SLIT1: variants seen among roughly 807,000 people sequenced by gnomAD.
SLIT1 encodes slit homolog 1 protein.
SLIT1 carries 66 observed loss-of-function variants against 186.1 expected under a neutral mutation model. The observed-to-expected ratio is 0.35, with a 90% CI of 0.29 to 0.44. The LOEUF (loss-of-function observed/expected upper bound fraction) is 0.44. Among genes scored for constraint, SLIT1 ranks in the 20% least tolerant of loss-of-function variants. The pLI is 1.00. For missense variants in SLIT1, 1,638 were observed against 2,037.4 expected (o/e 0.80, Z 3.77); for synonymous variants, 761 against 833.8 (o/e 0.91, Z 1.50).
At chr10:97,106,407 C>CGAACGAACGAAT (rs1554851567) in intron 4 of SLIT1, among the ~76,000 whole-genome samples, 4 of 74,064 alleles carry the variant, frequency 5.4e-5, no homozygotes, top group Admixed American at 1.4e-4. Flanking sequence ...AATGAATGAA[C>CGAACGAACGAAT]GAATGAATGA....
chr10:97,178,422 C>T (rs905888439), intron 1 of SLIT1, among the ~76,000 whole-genome samples: 2 of 152,162 alleles, frequency 1.3e-5, no homozygotes, highest in African/African-American at 4.8e-5. Context: ...AATAACCGGC[C>T]TGCATACATC....
chr10:97,048,117 C>T lies in SLIT1; in HGVS notation c.1466-121G>A. Reference sequence around the variant, plus strand: ...CAGACAGGGCTGAGGAGCCCATCTGCCCAGTCCCTGTGTGCAGAAGGGCGA... The same window carrying T: ...CAGACAGGGCTGAGGAGCCCATCTGTCCAGTCCCTGTGTGCAGAAGGGCGA... On this transcript the variant is annotated intron_variant, in intron 14 of 36. Transcript: ENST00000266058. 5 of 1,063,168 alleles carry T rather than the reference C, an allele frequency of 4.7e-6. No homozygotes were observed. In the East Asian group the frequency reaches 1.2e-4, roughly 25 times the overall value. The allele number at this position is 1,063,168 out of a possible 1,614,324, so 65.9% of individuals were successfully genotyped here.
intron 4 of SLIT1, among the ~76,000 whole-genome samples, chr10:97,133,042 G>T (rs1284602979): frequency 6.6e-6 from 1 of 152,196 alleles, no homozygotes; most frequent in East Asian, 1.9e-4. Flanking sequence ...ATTCAGGTGA[G>T]CCTGGAAATT....
At chr10:97,139,034 G>T (rs1295886227) in intron 4 of SLIT1, among the ~76,000 whole-genome samples, 1 of 152,216 alleles carries the variant, frequency 6.6e-6, no homozygotes, top group Non-Finnish European at 1.5e-5. Context: ...ACAAATGACT[G>T]CAGGCAGCAG....
At chr10:97,031,758 G>T (rs959108825) in intron 23 of SLIT1, 81 bp from the exon 24 acceptor site, 61 of 1,137,698 alleles carry the variant, frequency 5.4e-5, no homozygotes, top group Middle Eastern at 2.8e-4. Flanking sequence ...GGACGTGGAG[G>T]TCCCTCTCAC....
intron 36 of SLIT1, 52 bp from the exon 37 acceptor site, chr10:97,001,402 C>T (rs773314412): frequency 1.4e-6 from 2 of 1,421,894 alleles, no homozygotes; most frequent in Non-Finnish European, 2.0e-6. Context: ...CATGGGTGAG[C>T]TGCTGCCTCC....
intron 22 of SLIT1, among the ~76,000 whole-genome samples, chr10:97,035,152 G>A (rs1042859714): frequency 8.5e-5 from 13 of 152,054 alleles, no homozygotes; most frequent in African/African-American, 2.7e-4. Flanking sequence ...CCCGCCACCC[G>A]CTTTCCTCCG....
At chr10:97,040,549 T>G (rs1379683591) in intron 20 of SLIT1, among the ~76,000 whole-genome samples, 1 of 152,168 alleles carries the variant, frequency 6.6e-6, no homozygotes, top group Non-Finnish European at 1.5e-5. Context: ...TTTTTTTCAC[T>G]GATAGAGCCC....
chr10:97,091,276 G>A (rs1266842981), intron 4 of SLIT1, among the ~76,000 whole-genome samples: 1 of 152,202 alleles, frequency 6.6e-6, no homozygotes, highest in Non-Finnish European at 1.5e-5. Context: ...CCCCTGGAGA[G>A]GGGCTTCTCC....
intron 4 of SLIT1, chr10:97,157,361 T>C (rs1318342661): frequency 1.2e-5 from 2 of 160,336 alleles, no homozygotes; most frequent in Non-Finnish European, 2.7e-5. Flanking sequence ...TATACCATGG[T>C]TAATAACCTT....
rs769148153 is a variant in SLIT1, at chr10:97,002,361, T to C, written c.4163A>G (p.His1388Arg). The change falls in exon 36 of 37, where the codon CAT becomes CGT. Residue 1388 changes from histidine (H) to arginine (R), a missense_variant. Coordinates refer to ENST00000266058, the MANE Select transcript of SLIT1 (RefSeq NM_003061.3). ...AGCGTCGAGGGGCACGCATTGCCCA[T>C]GGACACACCTGGAGGAGACAGAGAA... ...DGPCHGHKCVHGQCVPLDALS... is the reference protein window; with the variant it reads ...DGPCHGHKCVRGQCVPLDALS... The C allele has an allele frequency of 1.9e-6, 3 of 1,600,340 alleles. No individual in the cohort carries two copies. The highest frequency in any genetic ancestry group is 2.2e-5 in the East Asian group (1 of 44,644).
Position 97,185,941 on chromosome 10 carries a change from AACTG to A in SLIT1, c.-271_-268del, listed in dbSNP as rs1850410013. 2.1e-6 allele frequency: 1 copy of A among 474,326 alleles called. No individual in the cohort carries two copies. Among genetic ancestry groups the A allele is most frequent in the South Asian group, 3.4e-5 (1 of 29,422 alleles). 29.4% of individuals were successfully genotyped at this position (474,326 alleles called of 1,614,324 possible). On this transcript the variant is annotated 5_prime_UTR_variant, in exon 1 of 37. Coordinates refer to ENST00000266058, the MANE Select transcript of SLIT1 (RefSeq NM_003061.3). The stretch of plus-strand genomic sequence containing the variant: ...CTCCCTCTCCCTCCCTCCAGCTCCC[AACTG>A]ACTGCTGCGAGGAGGAAAATGGGCA...
At chr10:97,099,582 C>T (rs868316658) in intron 4 of SLIT1, among the ~76,000 whole-genome samples, 1 of 152,198 alleles carries the variant, frequency 6.6e-6, no homozygotes, top group African/African-American at 2.4e-5. Flanking sequence ...TGCCTGTGGC[C>T]TGGCCCCCTT....
At chr10:97,140,545 T>G (rs1849747488) in intron 4 of SLIT1, among the ~76,000 whole-genome samples, 1 of 152,154 alleles carries the variant, frequency 6.6e-6, no homozygotes, top group Non-Finnish European at 1.5e-5. Flanking sequence ...CCCTCCTTAT[T>G]GGTATTCAGT....
chr10:97,030,806 A>G lies in SLIT1; in HGVS notation c.2533T>C (p.Ser845Pro). ...GCAAAGATGCCCTCTTGGAGGGTGG[A>G]GATGTCATTGCCGTGGAGAGACCTG... Reference protein sequence around the residue: ...RLLSLHGNDISTLQEGIFADV... With the variant: ...RLLSLHGNDIPTLQEGIFADV... The change falls in exon 25 of 37, where the codon TCC becomes CCC. Residue 845 changes from serine (S) to proline (P), a missense_variant. Physicochemically the swap from Ser to Pro is moderately conservative, Grantham distance 74 (BLOSUM62 -1). Coordinates refer to ENST00000266058, the MANE Select transcript of SLIT1 (RefSeq NM_003061.3). The G allele has an allele frequency of 6.2e-7, 1 of 1,614,006 alleles. No homozygotes were observed. The highest frequency in any genetic ancestry group is 8.5e-7 in the Non-Finnish European group (1 of 1,179,968).
chr10:97,135,182 G>C (rs1449449005), intron 4 of SLIT1, among the ~76,000 whole-genome samples: 2 of 152,206 alleles, frequency 1.3e-5, no homozygotes, highest in African/African-American at 4.8e-5. Context: ...ACGGGACCCA[G>C]CAGGCACAGC....
chr10:97,162,265 T>G (rs1330989718), intron 3 of SLIT1, among the ~76,000 whole-genome samples: 2 of 152,216 alleles, frequency 1.3e-5, no homozygotes, highest in African/African-American at 4.8e-5. Context: ...GAAATGTGAT[T>G]TTATTTCTTA....
intron 28 of SLIT1, among the ~76,000 whole-genome samples, chr10:97,017,852 T>C (rs111704962): frequency 0.013 from 2,008 of 150,248 alleles, 51 homozygotes; most frequent in African/African-American, 0.045. Context: ...TCTTTTCTTT[T>C]TTTTTTTTTT....
Position 97,040,111 on chromosome 10 carries a change from T to G in SLIT1, c.2174A>C (p.Glu725Ala). Residue 725 changes from glutamate (E) to alanine (A), a missense_variant, in exon 21 of 37, where the codon GAG (glutamate) becomes GCG (alanine). Transcript: ENST00000266058. ...PDFRCEEGQE[E>A]GGCLPRPQCP... ...CTGTGGGCGGGGCAGGCAGCCCCCC[T>G]CCTCCTGGCCTAGGGAAGAAGGCAC... The G allele has an allele frequency of 6.3e-7, 1 of 1,577,374 alleles. No homozygotes were observed. The highest frequency in any genetic ancestry group is 8.6e-7 in the Non-Finnish European group (1 of 1,162,410).
Sources: gnomAD v4.1 joint callset for allele counts (sites outside exome capture counted in the v4.1 genomes callset) on GRCh38, gnomAD v4.1.1 for gene constraint, MANE v1.5 for transcripts, NCBI Gene and HGNC (gene_info 2026-07-23, HGNC 2026-07-21) for gene names.